Variants in ATAD1 observed in about 807,000 individuals in gnomAD.
ATAD1 encodes ATPase family AAA domain containing 1.
ATAD1 carries 18 observed loss-of-function variants against 42.7 expected under a neutral mutation model. That is an observed-to-expected ratio of 0.42 (90% confidence interval 0.29 to 0.63). ATAD1 has a LOEUF of 0.63. Among genes scored for constraint, ATAD1 ranks in the 20% least tolerant of loss-of-function variants. The pLI, the probability that ATAD1 is intolerant of heterozygous loss-of-function variation, is 0.19. For synonymous variants in ATAD1, 132 were observed against 143.1 expected (o/e 0.92, Z 0.55); for missense variants, 294 against 440.4 (o/e 0.67, Z 2.98).
At chr10:87,755,773 G>T (rs918197391) in intron 9 of ATAD1, among the ~76,000 whole-genome samples, 1 of 152,112 alleles carries the variant, frequency 6.6e-6, no homozygotes, top group African/African-American at 2.4e-5. Flanking sequence ...GCCGGGCATG[G>T]TGATGGGCGC....
intron 8 of ATAD1, among the ~76,000 whole-genome samples, chr10:87,765,592 A>G (rs1272746599): frequency 6.6e-6 from 1 of 152,206 alleles, no homozygotes; most frequent in East Asian, 1.9e-4. Context: ...AAGAGTTCCT[A>G]CAGATTTATT....
chr10:87,771,283 T>C (rs1455126757), intron 6 of ATAD1, among the ~76,000 whole-genome samples: 1 of 152,120 alleles, frequency 6.6e-6, no homozygotes, highest in Non-Finnish European at 1.5e-5. Context: ...TTCTAGAAAT[T>C]AAAGTATGTA....
At chr10:87,831,175 C>T (rs1210498858) in intron 1 of ATAD1, among the ~76,000 whole-genome samples, 2 of 152,198 alleles carry the variant, frequency 1.3e-5, no homozygotes, top group African/African-American at 2.4e-5. Flanking sequence ...CTAGGACAGA[C>T]ACCATAAACA....
intron 5 of ATAD1, among the ~76,000 whole-genome samples, chr10:87,780,330 G>A (rs753966337): frequency 6.6e-6 from 1 of 152,104 alleles, no homozygotes; most frequent in Non-Finnish European, 1.5e-5. Flanking sequence ...ACAAATATTT[G>A]ATACTATTGT....
intron 5 of ATAD1, among the ~76,000 whole-genome samples, chr10:87,778,518 T>C (rs1250105704): frequency 1.3e-5 from 2 of 152,218 alleles, no homozygotes; most frequent in Non-Finnish European, 2.9e-5. Context: ...GTTTGATATA[T>C]ACCTTATACA....
Position 87,796,093 on chromosome 10 carries a change from A to C in ATAD1, c.163-3338T>G, listed in dbSNP as rs924479625. On this transcript the variant is annotated intron_variant, in intron 2 of 9. Coordinates refer to ENST00000680024, the MANE Select transcript of ATAD1 (RefSeq NM_001321967.2). ...TATAATAGATATAATCATTTATTAC[A>C]AACTTACATTAAAACTCTGGAAAAA... Among the ~76,000 whole-genome samples the C allele has an allele frequency of 2.6e-5, 4 of 152,228 alleles. No homozygotes were observed. In the East Asian group the frequency reaches 7.7e-4, roughly 29 times the overall value.
At chr10:87,821,592 CA>C (rs1466308457), upstream of ATAD1, among the ~76,000 whole-genome samples, 3 of 152,098 alleles carry the variant, frequency 2.0e-5, no homozygotes, top group Non-Finnish European at 4.4e-5. Flanking sequence ...GACAACTTGG[CA>C]AAATGCAGAT....
intron 2 of ATAD1, among the ~76,000 whole-genome samples, chr10:87,801,412 TA>T (rs1052160310): frequency 6.6e-6 from 1 of 152,008 alleles, no homozygotes; most frequent in Non-Finnish European, 1.5e-5. Flanking sequence ...GCTTATTTAG[TA>T]AAAAAAATTA....
At chr10:87,797,435 C>T (rs898693657) in intron 2 of ATAD1, among the ~76,000 whole-genome samples, 1 of 151,998 alleles carries the variant, frequency 6.6e-6, no homozygotes, top group African/African-American at 2.4e-5. Context: ...CCTCCTTCCC[C>T]CTTTGCCATC....
chr10:87,769,162 C>T (rs1370790530), intron 7 of ATAD1, among the ~76,000 whole-genome samples: 1 of 152,176 alleles, frequency 6.6e-6, no homozygotes, highest in Non-Finnish European at 1.5e-5. Flanking sequence ...TCTTCAGAAC[C>T]AATTAGGTAA....
At chr10:87,786,235 T>TA (rs1855826729) in intron 4 of ATAD1, among the ~76,000 whole-genome samples, 1 of 152,218 alleles carries the variant, frequency 6.6e-6, no homozygotes, top group Non-Finnish European at 1.5e-5. Flanking sequence ...GGTTTTTATA[T>TA]TGTTACACTT....
chr10:87,827,772 A>G (rs1857756184), intron 1 of ATAD1, among the ~76,000 whole-genome samples: 1 of 152,186 alleles, frequency 6.6e-6, no homozygotes, highest in African/African-American at 2.4e-5. Flanking sequence ...ATAACCCTAC[A>G]GTGGCCTTTA....
At chr10:87,755,404 T>C (rs535796398) in intron 9 of ATAD1, among the ~76,000 whole-genome samples, 4 of 152,270 alleles carry the variant, frequency 2.6e-5, no homozygotes, top group African/African-American at 7.2e-5. Flanking sequence ...GAAAAAGTTA[T>C]AACCCAAGTC....
intron 5 of ATAD1, among the ~76,000 whole-genome samples, chr10:87,783,929 A>G (rs1273532817): frequency 6.6e-6 from 1 of 152,024 alleles, no homozygotes; most frequent in African/African-American, 2.4e-5. Flanking sequence ...ACTGTAAAAA[A>G]AAAACTATCA....
At chr10:87,820,912 C>A (rs1857620050), upstream of ATAD1, among the ~76,000 whole-genome samples, 1 of 152,058 alleles carries the variant, frequency 6.6e-6, no homozygotes. Context: ...ACACAAAATA[C>A]CATATTTGGC....
At chr10:87,827,911 A>C (rs182289716) in intron 1 of ATAD1, among the ~76,000 whole-genome samples, 7 of 152,270 alleles carry the variant, frequency 4.6e-5, no homozygotes, top group Admixed American at 3.3e-4. Flanking sequence ...TGAGTCAGAC[A>C]ATTAGCCAAG....
At chr10:87,787,151 T>C (rs1330305817) in intron 4 of ATAD1, among the ~76,000 whole-genome samples, 1 of 152,220 alleles carries the variant, frequency 6.6e-6, no homozygotes, top group Non-Finnish European at 1.5e-5. Flanking sequence ...TTATTAGCTT[T>C]GCAACCTTTA....
chr10:87,762,106 C>T (rs1176166531), intron 8 of ATAD1, among the ~76,000 whole-genome samples: 1 of 152,112 alleles, frequency 6.6e-6, no homozygotes, highest in East Asian at 1.9e-4. Context: ...AATTATGGCT[C>T]TGTTACAAGG....
At chr10:87,815,280 GA>G (rs1178664280) in intron 1 of ATAD1, among the ~76,000 whole-genome samples, 2 of 151,480 alleles carry the variant, frequency 1.3e-5, no homozygotes, top group Admixed American at 6.6e-5. Context: ...AAGCTAAAGA[GA>G]AAAAAAATGA....
Sources: allele counts gnomAD v4.1 joint callset (sites outside exome capture counted in the v4.1 genomes callset), GRCh38; gene constraint gnomAD v4.1.1; transcripts MANE v1.5; gene names NCBI Gene and HGNC (gene_info 2026-07-23, HGNC 2026-07-21).